UNC13C: variants seen among roughly 807,000 people sequenced by gnomAD.
UNC13C encodes the protein protein unc-13 homolog C.
Under a neutral mutation model 245.4 loss-of-function variants are expected in UNC13C, and 174 were observed. The observed-to-expected ratio is 0.71, with a 90% confidence interval of 0.63 to 0.80. The LOEUF is 0.80. Among genes scored for constraint, UNC13C ranks in the 30% least tolerant of loss-of-function variants. The pLI is 0.00. For synonymous variants in UNC13C, 992 were observed against 895.1 expected, an observed-to-expected ratio of 1.11 and a Z score of -1.93; for missense variants, 2,829 against 2,602.9, an observed-to-expected ratio of 1.09 and a Z score of -1.89.
At chr15:54,462,509 G>T (rs1215617234) in intron 19 of UNC13C, among the ~76,000 whole-genome samples, 1 of 152,234 alleles carries the variant, frequency 6.6e-6, no homozygotes, top group Non-Finnish European at 1.5e-5. Flanking sequence ...GCCAGCGCCA[G>T]TTCTGGGTGG....
intron 2 of UNC13C, among the ~76,000 whole-genome samples, chr15:54,125,842 G>A (rs1379902044): frequency 1.3e-5 from 2 of 151,980 alleles, no homozygotes. Context: ...TCTAATATTA[G>A]CACAGATACT....
chr15:54,142,809 T>C (rs1777561446), intron 2 of UNC13C, among the ~76,000 whole-genome samples: 1 of 152,230 alleles, frequency 6.6e-6, no homozygotes, highest in Admixed American at 6.5e-5. Flanking sequence ...ATCACTTTTA[T>C]ACTTTTCAAG....
intron 4 of UNC13C, among the ~76,000 whole-genome samples, chr15:54,215,193 A>G (rs1281123908): frequency 6.6e-6 from 1 of 151,888 alleles, no homozygotes; most frequent in Non-Finnish European, 1.5e-5. Flanking sequence ...TTAAAAGTTA[A>G]TCCCTGACAC....
rs4570776 is a variant in UNC13C, at chr15:54,243,949, T to C, written c.3228+6259T>C. Among the ~76,000 whole-genome samples the C allele has an allele frequency of 4.6e-3, 700 of 152,350 alleles. 5 individuals carry two copies. Among genetic ancestry groups the C allele is most frequent in the Non-Finnish European group, 7.5e-3 (511 of 68,028 alleles). On this transcript the variant is annotated intron_variant, in intron 7 of 32. Coordinates refer to ENST00000260323, the MANE Select transcript of UNC13C (RefSeq NM_001080534.3). ...GGTTGCCTGTTCACTCTTATTTTAG[T>C]TTCTTTTGCTGCATAGAAGCTATTT...
At chr15:54,601,791 T>C (rs1247654820) in intron 30 of UNC13C, among the ~76,000 whole-genome samples, 2 of 152,160 alleles carry the variant, frequency 1.3e-5, no homozygotes, top group Non-Finnish European at 2.9e-5. Flanking sequence ...CCAGGTGCCA[T>C]CCTTAGGGTG....
chr15:54,449,582 G>A (rs572170169), intron 19 of UNC13C, among the ~76,000 whole-genome samples: 22 of 152,276 alleles, frequency 1.4e-4, no homozygotes, highest in African/African-American at 4.8e-4. Flanking sequence ...ACTGAAGCTT[G>A]TGCATTCATC....
the UNC13C span, among the ~76,000 whole-genome samples, chr15:53,840,786 ATGATTACTCATATGTG>A: frequency 6.6e-6 from 1 of 152,182 alleles, no homozygotes; most frequent in Non-Finnish European, 1.5e-5. Flanking sequence ...GCAGGATTCC[ATGATTACTCATATGTG>A]ACCAGAGCAA....
chr15:54,091,979 A>G (rs1899598730), intron 2 of UNC13C, among the ~76,000 whole-genome samples: 1 of 152,188 alleles, frequency 6.6e-6, no homozygotes, highest in Admixed American at 6.6e-5. Context: ...CACAAGTTTG[A>G]TATCAATATT....
At chr15:54,548,979 T>A (rs1369151484) in intron 27 of UNC13C, among the ~76,000 whole-genome samples, 1 of 152,164 alleles carries the variant, frequency 6.6e-6, no homozygotes, top group Non-Finnish European at 1.5e-5. Flanking sequence ...CTAGATAACA[T>A]TTGTTCAGAA....
the UNC13C span, among the ~76,000 whole-genome samples, chr15:53,935,716 G>C: frequency 6.6e-6 from 1 of 152,170 alleles, no homozygotes; most frequent in Non-Finnish European, 1.5e-5. Context: ...ACAGCTTGGA[G>C]CCAGAAGAGC....
intron 18 of UNC13C, among the ~76,000 whole-genome samples, chr15:54,409,545 A>T: frequency 6.6e-6 from 1 of 152,100 alleles, no homozygotes; most frequent in East Asian, 1.9e-4. Context: ...TCCACCCTCA[A>T]GGAGGTCCCA....
chr15:54,309,973 A>C (rs995465631), intron 13 of UNC13C, among the ~76,000 whole-genome samples: 1 of 151,874 alleles, frequency 6.6e-6, no homozygotes, highest in Non-Finnish European at 1.5e-5. Context: ...TTCTTCTGAC[A>C]CTAGCACCAT....
Position 54,469,164 on chromosome 15 carries a change from C to A in UNC13C, c.4934-25444C>A, listed in dbSNP as rs139672175. Among the ~76,000 whole-genome samples, 602 of 151,400 alleles carry A rather than the reference C, an allele frequency of 4.0e-3. 3 individuals carry two copies. Among genetic ancestry groups the A allele is most frequent in the Non-Finnish European group, 6.6e-3 (447 of 67,446 alleles). On this transcript the variant is annotated intron_variant, in intron 19 of 32. Transcript: ENST00000260323. ...ATCTTTCACCTCCTTAACTAAATTT[C>A]CTTCTGTGTTATTTTTTATGTTATT... is the stretch of plus-strand genomic sequence containing the variant.
intron 19 of UNC13C, 90 bp downstream of exon 19, chr15:54,415,157 A>G: frequency 1.1e-6 from 1 of 909,518 alleles, no homozygotes; most frequent in South Asian, 1.8e-5. Flanking sequence ...GAATTGAAAC[A>G]TTAAAACACT....
intron 2 of UNC13C, among the ~76,000 whole-genome samples, chr15:54,120,982 T>G (rs2030626520): frequency 1.3e-5 from 2 of 152,158 alleles, no homozygotes; most frequent in African/African-American, 4.8e-5. Context: ...CTACTCCTGG[T>G]GAAGATGTTA....
At chr15:53,942,488 A>C in the UNC13C span, among the ~76,000 whole-genome samples, 1 of 152,032 alleles carries the variant, frequency 6.6e-6, no homozygotes, top group Non-Finnish European at 1.5e-5. Context: ...CTTTGCAGCA[A>C]ACCACCATGG....
At position 54,216,933 on chromosome 15, in the gene UNC13C, G is replaced by C. The variant is rs148152207; in HGVS notation, c.3072-18097G>C. 3.3e-3 allele frequency among the ~76,000 whole-genome samples: 506 copies of C among 152,134 alleles called. 1 individual carries two copies. The highest frequency in any genetic ancestry group is 0.012 in the African/African-American group (486 of 41,546). On this transcript the variant is annotated intron_variant, in intron 4 of 32. Transcript: ENST00000260323. ...TATAGCCATACTGGTCTTACTGTGAGATGGCATGTTGGTTTCTAATGTGGT... is the reference window on the plus strand; with the variant it reads ...TATAGCCATACTGGTCTTACTGTGACATGGCATGTTGGTTTCTAATGTGGT...
chr15:54,022,450 A>G (rs952364272), intron 2 of UNC13C, among the ~76,000 whole-genome samples: 2 of 152,078 alleles, frequency 1.3e-5, no homozygotes, highest in Admixed American at 6.6e-5. Flanking sequence ...TGGGATTACA[A>G]GCAAAAGCCA....
chr15:54,595,571 C>T (rs564406260), intron 30 of UNC13C, among the ~76,000 whole-genome samples: 1 of 152,286 alleles, frequency 6.6e-6, no homozygotes, highest in East Asian at 1.9e-4. Context: ...GCAATCTAGT[C>T]CTGCCTCTCG....
Sources: allele counts gnomAD v4.1 joint callset (sites outside exome capture counted in the v4.1 genomes callset), GRCh38; gene constraint gnomAD v4.1.1; transcripts MANE v1.5; gene names NCBI Gene and HGNC (gene_info 2026-07-23, HGNC 2026-07-21).